The following TRPS1 variants were observed in gnomAD, a reference collection of about 807,000 sequenced individuals.
TRPS1 encodes transcriptional repressor GATA binding 1.
A neutral mutation model predicts 101.2 loss-of-function variants in TRPS1; 6 were observed. The observed-to-expected ratio is 0.06, with a 90% confidence interval of 0.03 to 0.12. The LOEUF (loss-of-function observed/expected upper bound fraction) is 0.12. TRPS1 is among the 10% of genes least tolerant of loss of function. TRPS1 has a pLI of 1.00. For synonymous variants in TRPS1, 578 were observed against 589.8 expected, an observed-to-expected ratio of 0.98 and a Z score of 0.29; for missense variants, 1,363 against 1,567.0, an observed-to-expected ratio of 0.87 and a Z score of 2.20.
chr8:115,661,258 A>G (rs990974349), intron 1 of TRPS1, among the ~76,000 whole-genome samples: 7 of 152,070 alleles, frequency 4.6e-5, no homozygotes, highest in African/African-American at 1.7e-4. Flanking sequence ...CTCCATACTC[A>G]TTTCAAACTT....
intron 5 of TRPS1, among the ~76,000 whole-genome samples, chr8:115,443,061 A>C (rs1813647127): frequency 6.6e-6 from 1 of 151,816 alleles, no homozygotes; most frequent in Non-Finnish European, 1.5e-5. Context: ...TTGCCACTGC[A>C]CTCCAGCCTG....
At chr8:115,579,233 C>A (rs1428963397) in intron 5 of TRPS1, among the ~76,000 whole-genome samples, 1 of 152,024 alleles carries the variant, frequency 6.6e-6, no homozygotes, top group African/African-American at 2.4e-5. Flanking sequence ...TCTATTTTAA[C>A]CAAATATTTT....
At chr8:115,527,295 T>C (rs960283793) in intron 5 of TRPS1, among the ~76,000 whole-genome samples, 1 of 152,012 alleles carries the variant, frequency 6.6e-6, no homozygotes. Context: ...AAGAATGATA[T>C]CGTTTAGGTG....
At chr8:115,570,711 A>ACT (rs1454315742) in intron 5 of TRPS1, among the ~76,000 whole-genome samples, 1 of 137,160 alleles carries the variant, frequency 7.3e-6, no homozygotes, top group Non-Finnish European at 1.6e-5. Flanking sequence ...ACACACACAC[A>ACT]CACACACACT....
chr8:115,419,006 T>C (rs1812988840), intron 5 of TRPS1, among the ~76,000 whole-genome samples: 1 of 152,226 alleles, frequency 6.6e-6, no homozygotes, highest in Non-Finnish European at 1.5e-5. Context: ...AAGATTCCTC[T>C]ATTCCTCAAA....
intron 5 of TRPS1, among the ~76,000 whole-genome samples, chr8:115,493,626 G>C (rs1315225796): frequency 6.6e-6 from 1 of 152,162 alleles, no homozygotes; most frequent in Non-Finnish European, 1.5e-5. Flanking sequence ...TAGGATTACA[G>C]ACGTGAGCCA....
At chr8:115,650,106 T>C (rs550455508) in intron 1 of TRPS1, among the ~76,000 whole-genome samples, 108 of 152,196 alleles carry the variant, frequency 7.1e-4, no homozygotes, top group Non-Finnish European at 1.3e-3. Context: ...GTATGCACCC[T>C]TTCAGTTGTG....
intron 4 of TRPS1, among the ~76,000 whole-genome samples, chr8:115,593,293 G>C (rs1283623442): frequency 6.6e-6 from 1 of 152,022 alleles, no homozygotes; most frequent in Non-Finnish European, 1.5e-5. Flanking sequence ...ATTCTTTAGT[G>C]CCAGGTCATT....
At chr8:115,632,720 A>G (rs1223458628) in intron 1 of TRPS1, among the ~76,000 whole-genome samples, 2 of 152,178 alleles carry the variant, frequency 1.3e-5, no homozygotes, top group African/African-American at 4.8e-5. Context: ...GTCATGGCAG[A>G]CACAAACGAA....
intron 1 of TRPS1, among the ~76,000 whole-genome samples, chr8:115,644,855 C>T (rs1354096222): frequency 1.3e-5 from 2 of 151,982 alleles, no homozygotes; most frequent in Non-Finnish European, 2.9e-5. Context: ...TAGGGAGGAC[C>T]AACGAGCACC....
chr8:115,498,951 T>C (rs775382806), intron 5 of TRPS1, among the ~76,000 whole-genome samples: 22 of 152,274 alleles, frequency 1.4e-4, no homozygotes, highest in Admixed American at 3.9e-4. Flanking sequence ...GAAAGGTTCA[T>C]TGATCCTTTT....
At chr8:115,422,516 G>A (rs1394819256) in intron 5 of TRPS1, among the ~76,000 whole-genome samples, 1 of 152,062 alleles carries the variant, frequency 6.6e-6, no homozygotes, top group Non-Finnish European at 1.5e-5. Context: ...ACAGACGCCC[G>A]CCACCATGCC....
intron 5 of TRPS1, among the ~76,000 whole-genome samples, chr8:115,496,266 C>G (rs1044211689): frequency 6.6e-6 from 1 of 152,132 alleles, no homozygotes; most frequent in African/African-American, 2.4e-5. Flanking sequence ...ACAATTTGAA[C>G]CCATCTCTTT....
intron 5 of TRPS1, among the ~76,000 whole-genome samples, chr8:115,567,540 C>G (rs908217746): frequency 2.0e-4 from 31 of 152,134 alleles, no homozygotes; most frequent in African/African-American, 7.2e-4. Flanking sequence ...CCTAAATATT[C>G]AGATATGGAT....
At chr8:115,589,577 C>A (rs1817637557) in intron 4 of TRPS1, among the ~76,000 whole-genome samples, 1 of 151,908 alleles carries the variant, frequency 6.6e-6, no homozygotes, top group Admixed American at 6.6e-5. Flanking sequence ...AAGAAATATA[C>A]AACAAATGAC....
chr8:115,529,685 A>G (rs1455455191), intron 5 of TRPS1, among the ~76,000 whole-genome samples: 1 of 152,102 alleles, frequency 6.6e-6, no homozygotes, highest in Non-Finnish European at 1.5e-5. Context: ...ACAGCATAAA[A>G]TCTGTATTAT....
intron 5 of TRPS1, among the ~76,000 whole-genome samples, chr8:115,526,907 T>C (rs547010089): frequency 6.6e-6 from 1 of 152,144 alleles, no homozygotes; most frequent in Non-Finnish European, 1.5e-5. Flanking sequence ...AGAATCCAAA[T>C]GGTTTAATTT....
chr8:115,578,027 G>A (rs1817360923), intron 5 of TRPS1, among the ~76,000 whole-genome samples: 1 of 152,070 alleles, frequency 6.6e-6, no homozygotes, highest in Non-Finnish European at 1.5e-5. Flanking sequence ...TAAAACCCTT[G>A]ACTCAACTCT....
At chr8:115,636,395 A>G (rs1818768384) in intron 1 of TRPS1, among the ~76,000 whole-genome samples, 1 of 152,202 alleles carries the variant, frequency 6.6e-6, no homozygotes, top group African/African-American at 2.4e-5. Flanking sequence ...GGGCAAGGGC[A>G]TTTCAGACTT....
Sources: allele counts gnomAD v4.1 joint callset (sites outside exome capture counted in the v4.1 genomes callset), GRCh38; gene constraint gnomAD v4.1.1; transcripts MANE v1.5; gene names NCBI Gene and HGNC (gene_info 2026-07-23, HGNC 2026-07-21).